The following GRK7 variants were observed in gnomAD, a reference collection of about 807,000 sequenced individuals.
The protein encoded by GRK7 is rhodopsin kinase GRK7.
Under a neutral mutation model 34.1 loss-of-function variants are expected in GRK7, and 24 were observed. The observed-to-expected ratio is 0.70, with a 90% CI of 0.51 to 0.99. The LOEUF is 0.99. Ranked by LOEUF, GRK7 falls within the 50% of genes least tolerant of loss-of-function variation. The pLI is 0.00. For missense variants in GRK7, 644 were observed against 707.3 expected, an observed-to-expected ratio of 0.91 and a Z score of 1.02; for synonymous variants, 256 against 279.4, an observed-to-expected ratio of 0.92 and a Z score of 0.84.
chr3:141,785,928 T>C (rs1393984612), intron 4 of GRK7, among the ~76,000 whole-genome samples: 4 of 122,290 alleles, frequency 3.3e-5, no homozygotes, highest in Admixed American at 8.8e-5. Flanking sequence ...GACAGAACAA[T>C]ACCCTGTCTC....
At chr3:141,790,338 G>A (rs2084718388) in intron 4 of GRK7, among the ~76,000 whole-genome samples, 1 of 152,048 alleles carries the variant, frequency 6.6e-6, no homozygotes, top group Non-Finnish European at 1.5e-5. Context: ...TTTTCACTTA[G>A]TAAGACTCAG....
intron 4 of GRK7, among the ~76,000 whole-genome samples, chr3:141,804,998 A>G (rs1190580780): frequency 1.3e-5 from 2 of 151,252 alleles, no homozygotes; most frequent in African/African-American, 4.9e-5. Context: ...ACACACACAT[A>G]CACTCACACA....
At chr3:141,809,751 G>C (rs1289515770) in intron 5 of GRK7, among the ~76,000 whole-genome samples, 1 of 152,124 alleles carries the variant, frequency 6.6e-6, no homozygotes, top group Non-Finnish European at 1.5e-5. Flanking sequence ...CCTGTGAAAA[G>C]ACCCTTGGCA....
chr3:141,789,362 T>C (rs986453746), intron 4 of GRK7, among the ~76,000 whole-genome samples: 1 of 152,324 alleles, frequency 6.6e-6, no homozygotes, highest in East Asian at 1.9e-4. Context: ...AGGTACTCCC[T>C]GCACGGGAGC....
upstream of GRK7, among the ~76,000 whole-genome samples, chr3:141,760,564 TGTG>T (rs2084551003): frequency 6.9e-6 from 1 of 145,812 alleles, no homozygotes; most frequent in Admixed American, 6.9e-5. Context: ...ATAGGTGTGG[TGTG>T]GTGCTGAAAA....
rs961207149 is a variant in GRK7, at chr3:141,803,926, G to T, written c.1051-3719G>T. 7.4e-5 allele frequency among the ~76,000 whole-genome samples: 4 copies of T among 53,838 alleles called. No homozygotes were observed. The African/African-American group carries it at 8.1e-4, about 11-fold the overall frequency. The allele number at this position is 53,838 out of a possible 152,430, so 35.3% of individuals were successfully genotyped here. ...GGGTTTTCACCATGTTGACCAGGCT[G>T]GTCTCAACTCCTGATCTCATGATCC... On this transcript the variant is annotated intron_variant, in intron 4 of 5. Coordinates refer to ENST00000682958, the MANE Select transcript of GRK7 (RefSeq NM_139209.3).
chr3:141,766,347 T>C (rs189300732), intron 1 of GRK7, among the ~76,000 whole-genome samples: 2 of 152,102 alleles, frequency 1.3e-5, no homozygotes, highest in African/African-American at 4.8e-5. Flanking sequence ...GTATTTTTAG[T>C]AGAGATAGGG....
chr3:141,780,882 C>G, intron 4 of GRK7, 71 bp downstream of exon 4: 4 of 1,355,298 alleles, frequency 3.0e-6, no homozygotes, highest in Non-Finnish European at 4.0e-6. Flanking sequence ...CTTTTCTATT[C>G]CCAGGGCAAA....
intron 1 of GRK7, among the ~76,000 whole-genome samples, chr3:141,766,147 T>TC (rs774358886): frequency 2.0e-5 from 3 of 151,416 alleles, no homozygotes; most frequent in African/African-American, 7.3e-5. Flanking sequence ...CATTTAACAT[T>TC]TACACGCTTA....
chr3:141,779,963 G>A (rs747202014), intron 3 of GRK7, among the ~76,000 whole-genome samples: 6 of 152,172 alleles, frequency 3.9e-5, no homozygotes, highest in Non-Finnish European at 7.3e-5. Flanking sequence ...TATTGTGTAT[G>A]GTGCTGCTAT....
At chr3:141,752,012 A>G in the GRK7 span, among the ~76,000 whole-genome samples, 2 of 152,252 alleles carry the variant, frequency 1.3e-5, no homozygotes, top group Non-Finnish European at 2.9e-5. Flanking sequence ...GATGTTGAAC[A>G]TGTGCCTTAC....
At chr3:141,783,721 C>A (rs2084682906) in intron 4 of GRK7, among the ~76,000 whole-genome samples, 1 of 151,890 alleles carries the variant, frequency 6.6e-6, no homozygotes, top group African/African-American at 2.4e-5. Flanking sequence ...ATGGGGAGGG[C>A]AGAGCGGGTT....
At chr3:141,771,773 C>T (rs920279627) in intron 1 of GRK7, among the ~76,000 whole-genome samples, 1 of 152,082 alleles carries the variant, frequency 6.6e-6, no homozygotes, top group African/African-American at 2.4e-5. Flanking sequence ...TAACCTCTGC[C>T]TCCTGGGTTC....
chr3:141,760,712 G>A (rs1290245848), upstream of GRK7, among the ~76,000 whole-genome samples: 2 of 147,840 alleles, frequency 1.4e-5, no homozygotes, highest in Admixed American at 6.8e-5. Flanking sequence ...GTTGACAGTG[G>A]GGTGTTAAAG....
In GRK7 at chr3:141,818,148, G is replaced by C. The variant is rs1485220659; in HGVS notation, c.*1098G>C. On this transcript the variant is annotated 3_prime_UTR_variant, in exon 6 of 6. Transcript: ENST00000682958. ...ACGTATCTTGGGAGCTCGGTCTCTT[G>C]GCTATTTCAAGTCCTGAAGGAGACC... The C allele has an allele frequency of 6.6e-6, 1 of 152,100 alleles. No homozygotes were observed. Among genetic ancestry groups the C allele is most frequent in the Non-Finnish European group, 1.5e-5 (1 of 68,010 alleles). 9.4% of individuals were successfully genotyped at this position (152,100 alleles called of 1,614,324 possible).
chr3:141,805,078 G>A (rs1279654200), intron 4 of GRK7, among the ~76,000 whole-genome samples: 2 of 131,134 alleles, frequency 1.5e-5, no homozygotes, highest in Non-Finnish European at 3.3e-5. Context: ...ACACACACAC[G>A]CACATACACT....
chr3:141,778,561 T>C lies in GRK7; in HGVS notation c.277T>C (p.Trp93Arg), dbSNP rs145001481. The C allele has an allele frequency of 4.3e-5, 70 of 1,613,272 alleles. No homozygotes were observed. Among genetic ancestry groups the C allele is most frequent in the Non-Finnish European group, 5.4e-5 (64 of 1,179,924 alleles). The change falls in exon 3 of 6, where the codon TGG becomes CGG. Residue 93 changes from tryptophan (W) to arginine (R), a missense_variant. Coordinates refer to ENST00000682958, the MANE Select transcript of GRK7 (RefSeq NM_139209.3). The surrounding 1 kb of genome is among the most constrained non-coding windows in gnomAD (Gnocchi z 4.1). ...AACCTTCCTAGAGGACGTGCAGAAC[T>C]GGGAGCTGGCCGAGGAGGGACCCAC... ...AATFLEDVQN[W>R]ELAEEGPTKD...
intron 4 of GRK7, among the ~76,000 whole-genome samples, chr3:141,801,310 CAAAAAAAAAAAAAA>C (rs55657739): frequency 1.4e-5 from 1 of 70,012 alleles, no homozygotes; most frequent in African/African-American, 5.8e-5. Context: ...GACTCCGTCT[CAAAAAAAAAAAAAA>C]AAAAAAAAAA....
chr3:141,769,908 TTTTG>T (rs150100495), intron 1 of GRK7, among the ~76,000 whole-genome samples: 1,662 of 151,924 alleles, frequency 0.011, 29 homozygotes, highest in East Asian at 0.074. Context: ...ACCAACAAGG[TTTTG>T]TTTGTTTGTT....
Sources: gnomAD v4.1 joint callset for allele counts (sites outside exome capture counted in the v4.1 genomes callset) on GRCh38, gnomAD v4.1.1 for gene constraint, Gnocchi (gnomAD v3.1) non-coding constraint, MANE v1.5 for transcripts, NCBI Gene and HGNC (gene_info 2026-07-23, HGNC 2026-07-21) for gene names.